Variants in STK3 observed in about 807,000 individuals in gnomAD.
The protein encoded by STK3 is serine/threonine kinase 3, also known as serine/threonine-protein kinase 3.
In STK3, 41 loss-of-function variants were observed where a neutral mutation model predicts 58.0. The observed-to-expected ratio is 0.71, with a 90% CI of 0.55 to 0.92. STK3 has a LOEUF of 0.92. Among genes scored for constraint, STK3 ranks in the 40% least tolerant of loss-of-function variants. The probability of loss-of-function intolerance (pLI) is 0.00; values close to 1 mark genes in which losing one functional copy is unlikely to be tolerated. For missense variants in STK3, 479 were observed against 602.7 expected (o/e 0.79, Z 2.15); for synonymous variants, 170 against 191.0 (o/e 0.89, Z 0.91).
intron 9 of STK3, among the ~76,000 whole-genome samples, chr8:98,539,005 G>T (rs1586811568): frequency 6.6e-6 from 1 of 152,184 alleles, no homozygotes; most frequent in Non-Finnish European, 1.5e-5. Context: ...GTTTACTGCT[G>T]TCACCTTTAT....
chr8:98,396,765 C>A (rs1225146922), downstream of STK3, among the ~76,000 whole-genome samples: 1 of 152,224 alleles, frequency 6.6e-6, no homozygotes, highest in Non-Finnish European at 1.5e-5. Context: ...GCTGAAGTGA[C>A]AAGCAGCCAC....
At chr8:98,796,412 T>C (rs1833167728) in intron 1 of STK3, among the ~76,000 whole-genome samples, 1 of 152,116 alleles carries the variant, frequency 6.6e-6, no homozygotes, top group African/African-American at 2.4e-5. Context: ...ATTCAATAAA[T>C]GGTGCTGGGA....
intron 6 of STK3, among the ~76,000 whole-genome samples, chr8:98,697,017 T>C (rs1487806524): frequency 6.6e-6 from 1 of 152,246 alleles, no homozygotes; most frequent in Non-Finnish European, 1.5e-5. Context: ...AGCTATTGAC[T>C]ATTGCCACAA....
intron 1 of STK3, among the ~76,000 whole-genome samples, chr8:98,931,496 AGAG>A (rs1345578629): frequency 1.3e-5 from 2 of 152,194 alleles, no homozygotes; most frequent in East Asian, 1.9e-4. Context: ...AACAAAAGGA[AGAG>A]GAGAAGAAAA....
Position 98,712,095 on chromosome 8 carries a change from T to C in STK3, c.352-4784A>G, listed in dbSNP as rs564058549. ...GACAAGCAAAGGCTGAGAGATTTTGTCACCACCAGGCCTGCCCTAAAAGAG... is the reference window on the plus strand; with the variant it reads ...GACAAGCAAAGGCTGAGAGATTTTGCCACCACCAGGCCTGCCCTAAAAGAG... On this transcript the variant is annotated intron_variant, in intron 4 of 10. Transcript: ENST00000419617. Among the ~76,000 whole-genome samples the C allele has an allele frequency of 6.1e-3, 934 of 152,250 alleles. 7 individuals are homozygous for C. Among genetic ancestry groups the C allele is most frequent in the Middle Eastern group, 0.037 (11 of 294 alleles).
At chr8:98,423,781 G>C (rs1300665307) in intron 3 of STK3, among the ~76,000 whole-genome samples, 3 of 152,232 alleles carry the variant, frequency 2.0e-5, no homozygotes, top group African/African-American at 7.2e-5. Flanking sequence ...TCGCCTGTCA[G>C]GGGGAGAAAA....
chr8:98,410,541 G>C (rs1330303211), intron 3 of STK3, among the ~76,000 whole-genome samples: 1 of 152,190 alleles, frequency 6.6e-6, no homozygotes, highest in Non-Finnish European at 1.5e-5. Context: ...TGGAGAGTTA[G>C]ATAAACATTT....
chr8:98,795,324 C>T (rs1054888045), intron 1 of STK3, among the ~76,000 whole-genome samples: 4 of 123,454 alleles, frequency 3.2e-5, no homozygotes, highest in Admixed American at 2.5e-4. Flanking sequence ...TAAAATCCAA[C>T]ATCCCTTCAT....
At chr8:98,738,092 TG>T (rs1246888398) in intron 4 of STK3, among the ~76,000 whole-genome samples, 2 of 152,218 alleles carry the variant, frequency 1.3e-5, no homozygotes, top group Non-Finnish European at 2.9e-5. Flanking sequence ...GATCATGCAT[TG>T]GAAAATATTA....
intron 4 of STK3, among the ~76,000 whole-genome samples, chr8:98,716,979 T>C (rs1206035814): frequency 6.6e-6 from 1 of 152,110 alleles, no homozygotes; most frequent in Non-Finnish European, 1.5e-5. Context: ...TGCTAAAGAA[T>C]AAGTAGAATC....
intron 10 of STK3, among the ~76,000 whole-genome samples, chr8:98,495,791 T>C (rs1823091354): frequency 6.6e-6 from 1 of 152,220 alleles, no homozygotes; most frequent in Admixed American, 6.5e-5. Flanking sequence ...TCACTATTAA[T>C]GCAAATATGC....
At chr8:98,441,118 T>C (rs1481423296) in intron 1 of STK3, among the ~76,000 whole-genome samples, 1 of 152,220 alleles carries the variant, frequency 6.6e-6, no homozygotes, top group African/African-American at 2.4e-5. Flanking sequence ...CCACGATAGT[T>C]GAAATCAAAG....
chr8:98,877,475 T>G (rs989288271), intron 3 of STK3, among the ~76,000 whole-genome samples: 25 of 152,116 alleles, frequency 1.6e-4, no homozygotes, highest in African/African-American at 5.6e-4. Flanking sequence ...CATGTGTTTT[T>G]TTTGTTTGTT....
chr8:98,464,540 T>TTAAAAAAAAAAAAAAAAAAAAAA (rs71572015), intron 10 of STK3, among the ~76,000 whole-genome samples: 1 of 69,224 alleles, frequency 1.4e-5, no homozygotes, highest in African/African-American at 5.7e-5. Context: ...TACTTAAAGT[T>TTAAAAAAAAAAAAAAAAAAAAAA]AAAAAAAAAA....
downstream of STK3, among the ~76,000 whole-genome samples, chr8:98,400,787 T>A (rs1817934330): frequency 2.6e-5 from 4 of 151,790 alleles, no homozygotes; most frequent in African/African-American, 9.7e-5. Context: ...AAAAAAAAAA[T>A]AGTTTTGTTG....
At chr8:98,413,505 A>T (rs1818078448) in intron 3 of STK3, 3 of 629,694 alleles carry the variant, frequency 4.8e-6, no homozygotes, top group South Asian at 4.1e-5. Context: ...TCCATTTGTG[A>T]CACTAGTGAC....
chr8:98,898,403 A>G (rs1838537007), intron 1 of STK3, among the ~76,000 whole-genome samples: 1 of 152,218 alleles, frequency 6.6e-6, no homozygotes, highest in Non-Finnish European at 1.5e-5. Context: ...TGGTCTAATC[A>G]GCTAGGGCCA....
At chr8:98,479,451 C>T (rs369295744) in intron 10 of STK3, among the ~76,000 whole-genome samples, 1 of 126,036 alleles carries the variant, frequency 7.9e-6, no homozygotes. Flanking sequence ...CCTGCCACTG[C>T]ACTCCAGCCT....
intron 9 of STK3, among the ~76,000 whole-genome samples, chr8:98,540,478 C>T (rs970472258): frequency 1.3e-5 from 2 of 152,096 alleles, no homozygotes; most frequent in Admixed American, 6.5e-5. Context: ...CTCGTTCTAT[C>T]CTATAACATA....
Sources: gnomAD v4.1 joint callset for allele counts (sites outside exome capture counted in the v4.1 genomes callset) on GRCh38, gnomAD v4.1.1 for gene constraint, MANE v1.5 for transcripts, NCBI Gene and HGNC (gene_info 2026-07-23, HGNC 2026-07-21) for gene names.